Variants in BASP1 observed in about 807,000 individuals in gnomAD.
The protein encoded by BASP1 is brain abundant membrane attached signal protein 1.
Under a neutral mutation model 2.2 loss-of-function variants are expected in BASP1, and 1 was observed. The observed-to-expected ratio is 0.46, with a 90% CI of 0.16 to 2.17. The LOEUF (loss-of-function observed/expected upper bound fraction) is 2.17, where lower values mean the gene tolerates loss of function less well. BASP1 is among the 30% of genes most tolerant of loss of function. BASP1 has a pLI of 0.27. For synonymous variants in BASP1, 187 were observed against 154.2 expected, an observed-to-expected ratio of 1.21 and a Z score of -1.58; for missense variants, 352 against 327.2, an observed-to-expected ratio of 1.08 and a Z score of -0.58.
chr5:17,233,975 A>G (rs959255088), intron 1 of BASP1, among the ~76,000 whole-genome samples: 2 of 152,038 alleles, frequency 1.3e-5, no homozygotes, highest in African/African-American at 4.8e-5. Context: ...CTAAAAATAC[A>G]AAAAAATTAG....
At chr5:17,247,677 A>G (rs766321437) in intron 1 of BASP1, among the ~76,000 whole-genome samples, 1 of 152,222 alleles carries the variant, frequency 6.6e-6, no homozygotes, top group Non-Finnish European at 1.5e-5. Flanking sequence ...CTTTCAGGAC[A>G]TAACCTCTCA....
intron 1 of BASP1, among the ~76,000 whole-genome samples, chr5:17,259,664 G>A (rs185904004): frequency 1.3e-4 from 20 of 152,282 alleles, no homozygotes; most frequent in African/African-American, 4.1e-4. Flanking sequence ...TTAGGTGGTC[G>A]TGAAAAGTGT....
Position 17,236,557 on chromosome 5 carries a change from G to A in BASP1, c.-10+18747G>A, listed in dbSNP as rs532523915. Among the ~76,000 whole-genome samples the A allele has an allele frequency of 1.6e-3, 240 of 152,282 alleles. No homozygotes were observed. Among genetic ancestry groups the A allele is most frequent in the African/African-American group, 5.3e-3 (222 of 41,566 alleles). ...TGGGATTACAGGCGTGAGCCACCGCGCTCGGCCGAGAGCTAGTTTCCTGAT... is the reference window on the plus strand; with the variant it reads ...TGGGATTACAGGCGTGAGCCACCGCACTCGGCCGAGAGCTAGTTTCCTGAT... On this transcript the variant is annotated intron_variant, in intron 1 of 1. Coordinates refer to ENST00000322611, the MANE Select transcript of BASP1 (RefSeq NM_006317.5). This position sits in a 1 kb window ranked among gnomAD's most constrained non-coding sequence, Gnocchi z 4.0.
chr5:17,220,381 G>A (rs1346219052), intron 1 of BASP1, among the ~76,000 whole-genome samples: 1 of 151,762 alleles, frequency 6.6e-6, no homozygotes, highest in Non-Finnish European at 1.5e-5. Flanking sequence ...GGGGTATGTT[G>A]GAATATAGAA....
At chr5:17,250,075 G>A (rs1463144724) in intron 1 of BASP1, among the ~76,000 whole-genome samples, 1 of 152,008 alleles carries the variant, frequency 6.6e-6, no homozygotes, top group Non-Finnish European at 1.5e-5. Flanking sequence ...CTAAGTAGCT[G>A]GGGTTACAGA....
In BASP1 at chr5:17,252,201, T is replaced by G. The variant is rs548378735; in HGVS notation, c.-9-23007T>G. 4.7e-4 allele frequency among the ~76,000 whole-genome samples: 71 copies of G among 152,304 alleles called. 1 individual carries two copies. In the South Asian group the frequency reaches 0.014, roughly 30 times the overall value. The stretch of plus-strand genomic sequence containing the variant: ...ATGATAAGAAACAGCTGTGTTTTCT[T>G]TAGCTTCATTTTTGCCATTCGGCTA... On this transcript the variant is annotated intron_variant, in intron 1 of 1. Transcript: ENST00000322611.
chr5:17,273,113 A>G (rs1035104798), intron 1 of BASP1, among the ~76,000 whole-genome samples: 3 of 152,196 alleles, frequency 2.0e-5, no homozygotes, highest in Non-Finnish European at 4.4e-5. Flanking sequence ...GACCCAATGT[A>G]TTTTGAAATA....
intron 1 of BASP1, among the ~76,000 whole-genome samples, chr5:17,237,358 CAAAA>C (rs1189796087): frequency 6.6e-6 from 1 of 151,312 alleles, no homozygotes; most frequent in East Asian, 1.9e-4. Context: ...CAAAACAAAA[CAAAA>C]AAAAGAAAGA....
intron 1 of BASP1, among the ~76,000 whole-genome samples, chr5:17,252,037 G>A (rs1459517641): frequency 1.3e-5 from 2 of 152,126 alleles, no homozygotes; most frequent in East Asian, 1.9e-4. Context: ...ATTGGTGAGC[G>A]CCAAGGATGA....
At chr5:17,248,385 T>C (rs946367901) in intron 1 of BASP1, among the ~76,000 whole-genome samples, 1 of 152,224 alleles carries the variant, frequency 6.6e-6, no homozygotes, top group Non-Finnish European at 1.5e-5. Context: ...GTGTGCTGGA[T>C]AAGACTTTTA....
At chr5:17,240,133 G>GATAAATAAATAAATAA (rs55977756) in intron 1 of BASP1, among the ~76,000 whole-genome samples, 1 of 145,978 alleles carries the variant, frequency 6.9e-6, no homozygotes, top group Non-Finnish European at 1.5e-5. Flanking sequence ...TAAAAATAAA[G>GATAAATAAATAAATAA]ATAAATAAAT....
intron 1 of BASP1, among the ~76,000 whole-genome samples, chr5:17,272,470 C>A (rs1248076250): frequency 1.3e-5 from 2 of 149,198 alleles, no homozygotes; most frequent in African/African-American, 2.5e-5. Context: ...GGCATACTAC[C>A]CCATGGTGCT....
At chr5:17,244,344 C>T (rs1739933360) in intron 1 of BASP1, among the ~76,000 whole-genome samples, 1 of 152,106 alleles carries the variant, frequency 6.6e-6, no homozygotes, top group Non-Finnish European at 1.5e-5. Context: ...TGATATCAAA[C>T]CTCAAACATA....
intron 1 of BASP1, among the ~76,000 whole-genome samples, chr5:17,271,673 CTA>C: frequency 6.6e-6 from 1 of 152,252 alleles, no homozygotes; most frequent in Middle Eastern, 3.4e-3. Context: ...CATGGATTGT[CTA>C]TTGCTGTATT....
intron 1 of BASP1, among the ~76,000 whole-genome samples, chr5:17,245,587 T>A (rs190599866): frequency 4.6e-5 from 7 of 152,222 alleles, no homozygotes; most frequent in African/African-American, 1.7e-4. Context: ...AATATGAGAT[T>A]AATGATAATA....
intron 1 of BASP1, among the ~76,000 whole-genome samples, chr5:17,223,313 T>C (rs1264533508): frequency 6.6e-6 from 1 of 152,232 alleles, no homozygotes; most frequent in Non-Finnish European, 1.5e-5. Flanking sequence ...ACATGGTTAC[T>C]GTAAGTATTA....
chr5:17,253,616 T>A (rs1388176568), intron 1 of BASP1, among the ~76,000 whole-genome samples: 1 of 152,126 alleles, frequency 6.6e-6, no homozygotes, highest in Non-Finnish European at 1.5e-5. Flanking sequence ...TTCTGTGTAG[T>A]CTTGCTGGAA....
rs1740204226 is a variant in BASP1, at chr5:17,256,064, G to A, written c.-9-19144G>A. ...CTTGTTGACATCTGAGGTTTCACAT[G>A]CTCTTCATTTGTCTGGTATCTGCAT... On this transcript the variant is annotated intron_variant, in intron 1 of 1. Transcript: ENST00000322611. 1.3e-5 allele frequency among the ~76,000 whole-genome samples: 2 copies of A among 152,122 alleles called. 1 individual carries two copies. The highest frequency in any genetic ancestry group is 4.8e-5 in the African/African-American group (2 of 41,404).
At chr5:17,254,172 A>C (rs537356989) in intron 1 of BASP1, among the ~76,000 whole-genome samples, 42 of 150,458 alleles carry the variant, frequency 2.8e-4, no homozygotes, top group African/African-American at 1.0e-3. Flanking sequence ...GATTATGACA[A>C]GTGAGAATAA....
Sources: gnomAD v4.1 joint callset for allele counts (sites outside exome capture counted in the v4.1 genomes callset) on GRCh38, gnomAD v4.1.1 for gene constraint, Gnocchi (gnomAD v3.1) non-coding constraint, MANE v1.5 for transcripts, NCBI Gene and HGNC (gene_info 2026-07-23, HGNC 2026-07-21) for gene names.